The following SEPTIN9 variants were observed in gnomAD, a reference collection of about 807,000 sequenced individuals.
SEPTIN9 encodes the protein septin 9.
In SEPTIN9, 13 loss-of-function variants were observed where a neutral mutation model predicts 56.6. That is an observed-to-expected ratio of 0.23 (90% CI 0.15 to 0.37). SEPTIN9 has a LOEUF of 0.37. Among genes scored for constraint, SEPTIN9 ranks in the 10% least tolerant of loss-of-function variants. The pLI is 1.00. For missense variants in SEPTIN9, 650 were observed against 823.1 expected, an observed-to-expected ratio of 0.79 and a Z score of 2.57; for synonymous variants, 332 against 334.1, an observed-to-expected ratio of 0.99 and a Z score of 0.07.
rs921294331 is a variant in SEPTIN9 at position 77,326,208 on chromosome 17, G to A, written c.76+19011G>A. Among the ~76,000 whole-genome samples, 3 of 152,204 alleles carry A rather than the reference G, an allele frequency of 2.0e-5. No individual in the cohort carries two copies. The East Asian group carries it at 5.8e-4, about 29-fold the overall frequency. ...CATGACAAAATAAACCTCCCTTGCCGGTCACTCATTCATTCATTCAGCATT... is the reference window on the plus strand; with the variant it reads ...CATGACAAAATAAACCTCCCTTGCCAGTCACTCATTCATTCATTCAGCATT... On this transcript the variant is annotated intron_variant, in intron 2 of 11. Transcript: ENST00000427177. This position sits in a 1 kb window ranked among gnomAD's most constrained non-coding sequence, Gnocchi z 5.1.
At chr17:77,415,215 C>T (rs193051919) in intron 3 of SEPTIN9, among the ~76,000 whole-genome samples, 67 of 152,262 alleles carry the variant, frequency 4.4e-4, no homozygotes, top group African/African-American at 1.4e-3. Flanking sequence ...GCGGCTGGAG[C>T]GGCCCTGGGT....
rs575826690 is a variant in SEPTIN9, at chr17:77,357,811, T to C, written c.77-44248T>C. ...TCAAAATTTCTCACCAACTCCTCACTCCTTGTATTCACCCAGGACCACTTC... is the reference window on the plus strand; with the variant it reads ...TCAAAATTTCTCACCAACTCCTCACCCCTTGTATTCACCCAGGACCACTTC... On this transcript the variant is annotated intron_variant, in intron 2 of 11. Coordinates refer to ENST00000427177, the MANE Select transcript of SEPTIN9 (RefSeq NM_001113491.2). Among the ~76,000 whole-genome samples, 36 of 152,208 alleles carry C rather than the reference T, an allele frequency of 2.4e-4. No individual in the cohort carries two copies. The Middle Eastern group carries it at 0.01, about 43-fold the overall frequency.
rs1253781229 is a variant in SEPTIN9, at chr17:77,317,365, G to A, written c.76+10168G>A. 2.0e-5 allele frequency among the ~76,000 whole-genome samples: 3 copies of A among 152,348 alleles called. No individual in the cohort carries two copies. Among genetic ancestry groups the A allele is most frequent in the South Asian group, 2.1e-4 (1 of 4,830 alleles). ...AGCAGGAGGTGAGTGACTGGCAAGC[G>A]AGCGAAGCTTCATCTGTATTTACAG... On this transcript the variant is annotated intron_variant, in intron 2 of 11. Transcript: ENST00000427177. The surrounding 1 kb of genome is among the most constrained non-coding windows in gnomAD (Gnocchi z 4.2).
chr17:77,282,145 C>T (rs1251918629), intron 1 of SEPTIN9, among the ~76,000 whole-genome samples: 1 of 152,216 alleles, frequency 6.6e-6, no homozygotes, highest in African/African-American at 2.4e-5. Context: ...CGAAGGGGGC[C>T]TGACTTGGGC....
chr17:77,400,076 A>C lies in SEPTIN9; in HGVS notation c.77-1983A>C, dbSNP rs1229626408. Among the ~76,000 whole-genome samples the C allele has an allele frequency of 1.3e-5, 2 of 152,144 alleles. No homozygotes were observed. Among genetic ancestry groups the C allele is most frequent in the Non-Finnish European group, 2.9e-5 (2 of 68,018 alleles). ...TCTGCAACCTCTGCCTCCCGGGTTCAAGCGATTCTCCTGCCTCAGCCTCCT... is the reference window on the plus strand; with the variant it reads ...TCTGCAACCTCTGCCTCCCGGGTTCCAGCGATTCTCCTGCCTCAGCCTCCT... On this transcript the variant is annotated intron_variant, in intron 2 of 11. Transcript: ENST00000427177. The surrounding 1 kb of genome is among the most constrained non-coding windows in gnomAD (Gnocchi z 4.1).
chr17:77,384,365 C>T (rs1202379105), intron 2 of SEPTIN9, among the ~76,000 whole-genome samples: 1 of 152,086 alleles, frequency 6.6e-6, no homozygotes, highest in East Asian at 1.9e-4. Context: ...GTGTGACTGA[C>T]CCTGGAGCTG....
At position 77,492,861 on chromosome 17, in the gene SEPTIN9, T is replaced by A. The variant is rs1279065740; in HGVS notation, c.1477-119T>A. The A allele has an allele frequency of 1.1e-5, 13 of 1,212,388 alleles. No homozygotes were observed. In the East Asian group the frequency reaches 3.1e-4, roughly 29 times the overall value. 75.1% of individuals were successfully genotyped at this position (1,212,388 alleles called of 1,614,324 possible). A position where few individuals can be genotyped will look rare whatever the true frequency, so the allele number is the denominator to read the frequency against. On this transcript the variant is annotated intron_variant, in intron 9 of 11. Transcript: ENST00000427177. The surrounding 1 kb of genome is among the most constrained non-coding windows in gnomAD (Gnocchi z 5.4). ...GCCCAGGTGTCTGTACCCAGTGCTG[T>A]CAGGCTGAGGCTCTCGTTTTTGGGG...
chr17:77,353,778 G>GCAATCCAT (rs1055628731), intron 2 of SEPTIN9, among the ~76,000 whole-genome samples: 5 of 152,130 alleles, frequency 3.3e-5, no homozygotes. Flanking sequence ...TCTCAGCCCC[G>GCAATCCAT]CAATCCATTC....
chr17:77,453,542 T>C lies in SEPTIN9; in HGVS notation c.722-28602T>C, dbSNP rs1304621421. On this transcript the variant is annotated intron_variant, in intron 3 of 11. Coordinates refer to ENST00000427177, the MANE Select transcript of SEPTIN9 (RefSeq NM_001113491.2). This position sits in a 1 kb window ranked among gnomAD's most constrained non-coding sequence, Gnocchi z 4.4. ...ATCACTTGAACCTGGGAGGTGGAGG[T>C]TGCAGTGAGCTGAGATTGTGCTACT... Among the ~76,000 whole-genome samples, 2 of 150,754 alleles carry C rather than the reference T, an allele frequency of 1.3e-5. No homozygotes were observed. The highest frequency in any genetic ancestry group is 3.9e-4 in the East Asian group (2 of 5,148).
chr17:77,382,877 G>C (rs2574853), intron 2 of SEPTIN9, among the ~76,000 whole-genome samples: 91,064 of 151,602 alleles, frequency 0.6, 27,851 homozygotes, highest in Non-Finnish European at 0.68. Context: ...CCCTAGCCCC[G>C]CTGCCCTGCC....
chr17:77,327,212 G>A lies in SEPTIN9; in HGVS notation c.76+20015G>A, dbSNP rs372221290. On this transcript the variant is annotated intron_variant, in intron 2 of 11. Transcript: ENST00000427177. This position sits in a 1 kb window ranked among gnomAD's most constrained non-coding sequence, Gnocchi z 5.0. ...CCCCTCCGGCCCCACCACCCCTCCT[G>A]TAGTGGTCTCGCTGGCTGCTGCCCT... Among the ~76,000 whole-genome samples the A allele has an allele frequency of 1.3e-5, 2 of 152,114 alleles. No individual in the cohort carries two copies. The highest frequency in any genetic ancestry group is 3.9e-4 in the East Asian group (2 of 5,168).
At chr17:77,410,518 C>T (rs754028713) in intron 3 of SEPTIN9, among the ~76,000 whole-genome samples, 14 of 152,232 alleles carry the variant, frequency 9.2e-5, no homozygotes, top group Non-Finnish European at 1.8e-4. Context: ...CTTGCCCACT[C>T]GTGTGTGGGG....
intron 1 of SEPTIN9, among the ~76,000 whole-genome samples, chr17:77,288,848 G>A (rs2031397771): frequency 6.6e-6 from 1 of 152,184 alleles, no homozygotes; most frequent in East Asian, 1.9e-4. Flanking sequence ...AGACACCATG[G>A]AGGCACCGGT....
intron 3 of SEPTIN9, chr17:77,454,047 C>T (rs982767033): frequency 2.0e-6 from 2 of 982,232 alleles, no homozygotes; most frequent in Non-Finnish European, 2.4e-6. Context: ...CCCTCTCTCC[C>T]TGGCCGGGAG....
rs2036894442 is a variant in SEPTIN9 at position 77,425,998 on chromosome 17, A to G, written c.721+23295A>G. Among the ~76,000 whole-genome samples, 1 of 152,096 alleles carries G rather than the reference A, an allele frequency of 6.6e-6. No individual in the cohort carries two copies. Among genetic ancestry groups the G allele is most frequent in the Non-Finnish European group, 1.5e-5 (1 of 68,014 alleles). Reference sequence around the variant, plus strand: ...CCATGCCCTCAGACTGGAGGATAGGATCGGAACAGTGGGTCAGGATGGCCA... The same window carrying G: ...CCATGCCCTCAGACTGGAGGATAGGGTCGGAACAGTGGGTCAGGATGGCCA... On this transcript the variant is annotated intron_variant, in intron 3 of 11. Transcript: ENST00000427177. This position sits in a 1 kb window ranked among gnomAD's most constrained non-coding sequence, Gnocchi z 4.2.
intron 2 of SEPTIN9, among the ~76,000 whole-genome samples, chr17:77,338,055 G>C (rs960132378): frequency 6.6e-6 from 1 of 152,084 alleles, no homozygotes; most frequent in African/African-American, 2.4e-5. Context: ...AAATTAGCTG[G>C]GTGTGGTGGC....
Position 77,475,791 on chromosome 17 carries a change from T to G in SEPTIN9, c.722-6353T>G, listed in dbSNP as rs1845661306. ...GGCCTGGAAGGCTGACAGGGTGTGGTGAGTGCCACCGGCTCCCCTGCCGTG... is the reference window on the plus strand; with the variant it reads ...GGCCTGGAAGGCTGACAGGGTGTGGGGAGTGCCACCGGCTCCCCTGCCGTG... On this transcript the variant is annotated intron_variant, in intron 3 of 11. Transcript: ENST00000427177. The surrounding 1 kb of genome is among the most constrained non-coding windows in gnomAD (Gnocchi z 4.6). The G allele has an allele frequency of 6.2e-7, 1 of 1,613,186 alleles. No homozygotes were observed. The highest frequency in any genetic ancestry group is 8.5e-7 in the Non-Finnish European group (1 of 1,179,818).
At chr17:77,350,610 A>AGTGTGTGTGT (rs57851361) in intron 2 of SEPTIN9, among the ~76,000 whole-genome samples, 21,691 of 149,386 alleles carry the variant, frequency 0.15, 1,621 homozygotes, top group South Asian at 0.21. Flanking sequence ...CCTCCAGTGC[A>AGTGTGTGTGT]GTGTGTGTGT....
At chr17:77,462,098 G>A (rs190609660) in intron 3 of SEPTIN9, among the ~76,000 whole-genome samples, 16 of 152,144 alleles carry the variant, frequency 1.1e-4, no homozygotes, top group East Asian at 3.9e-4. Context: ...TCCTTCTATC[G>A]GTTTTGGATT....
Sources: allele counts gnomAD v4.1 joint callset (sites outside exome capture counted in the v4.1 genomes callset), GRCh38; gene constraint gnomAD v4.1.1; non-coding constraint Gnocchi (gnomAD v3.1); transcripts MANE v1.5; gene names NCBI Gene and HGNC (gene_info 2026-07-23, HGNC 2026-07-21).